The following CEP295 variants were observed in gnomAD, a reference collection of about 807,000 sequenced individuals.
CEP295 encodes centrosomal protein 295, also known as centrosomal protein of 295 kDa.
In CEP295, 190 loss-of-function variants were observed where a neutral mutation model predicts 291.6. That is an observed-to-expected ratio of 0.65 (90% CI 0.58 to 0.73). CEP295 has a LOEUF of 0.73. CEP295 is among the 30% of genes least tolerant of loss of function. The pLI, the probability that CEP295 is intolerant of heterozygous loss-of-function variation, is 0.00. For missense variants in CEP295, 2,863 were observed against 2,949.4 expected (o/e 0.97, Z 0.68); for synonymous variants, 993 against 1,038.8 (o/e 0.96, Z 0.85).
intron 9 of CEP295, 130 bp from the exon 10 acceptor site, chr11:93,687,514 C>T (rs1469081265): frequency 1.6e-5 from 9 of 580,078 alleles, no homozygotes; most frequent in African/African-American, 5.6e-5. Context: ...ACTGTTAAAT[C>T]GTAAATATGA....
chr11:93,676,929 C>T (rs1950723474), intron 6 of CEP295, among the ~76,000 whole-genome samples: 1 of 152,002 alleles, frequency 6.6e-6, no homozygotes, highest in African/African-American at 2.4e-5. Flanking sequence ...GGACCACAAA[C>T]AAATTTTGTT....
At chr11:93,688,377 C>G (rs762407372) in intron 10 of CEP295, among the ~76,000 whole-genome samples, 2 of 152,134 alleles carry the variant, frequency 1.3e-5, no homozygotes, top group Non-Finnish European at 2.9e-5. Flanking sequence ...TACAAAGTAT[C>G]TTTTCACACA....
At chr11:93,665,408 A>C (rs548508247) in intron 1 of CEP295, among the ~76,000 whole-genome samples, 24 of 152,202 alleles carry the variant, frequency 1.6e-4, no homozygotes, top group Non-Finnish European at 3.4e-4. Context: ...GAACGGTAGC[A>C]ACAGAAGAAT....
chr11:93,711,300 T>C (rs896904655), intron 18 of CEP295, among the ~76,000 whole-genome samples: 1 of 152,208 alleles, frequency 6.6e-6, no homozygotes, highest in African/African-American at 2.4e-5. Flanking sequence ...GGGTATGTTG[T>C]GTCTCCATTA....
intron 12 of CEP295, among the ~76,000 whole-genome samples, chr11:93,692,731 G>C (rs1565456787): frequency 6.6e-6 from 1 of 152,028 alleles, no homozygotes. Context: ...CCAGCACTTT[G>C]GGAGGCTGAG....
chr11:93,697,701 C>T lies in CEP295; in HGVS notation c.2789C>T (p.Ser930Leu). ...IAVSSDHHVI[S>L]QLQDKRLSLS... ...GTTTCCTCAGACCATCATGTGATCT[C>T]ACAACTTCAGGATAAGCGTTTGAGT... is the stretch of plus-strand genomic sequence containing the variant. The change falls in exon 15 of 30, where the codon TCA (serine) becomes TTA (leucine). Residue 930 changes from serine (S) to leucine (L), a missense_variant. Ser to Leu is a moderately radical substitution (Grantham distance 145, BLOSUM62 -2). Coordinates refer to ENST00000325212, the MANE Select transcript of CEP295 (RefSeq NM_033395.2). 5 of 1,551,712 alleles carry T rather than the reference C, an allele frequency of 3.2e-6. No individual in the cohort carries two copies.
intron 18 of CEP295, among the ~76,000 whole-genome samples, chr11:93,709,814 A>C (rs2135216477): frequency 6.6e-6 from 1 of 152,120 alleles, no homozygotes; most frequent in East Asian, 1.9e-4. Context: ...GTCCTCTTTA[A>C]TTTCTTCCAT....
chr11:93,679,394 T>C lies in CEP295; in HGVS notation c.625-18T>C. On this transcript the variant is annotated intron_variant, in intron 6 of 29. Coordinates refer to ENST00000325212, the MANE Select transcript of CEP295 (RefSeq NM_033395.2). The stretch of plus-strand genomic sequence containing the variant: ...CACACTTTAAAAATTTTGCCTACAA[T>C]TTTTGATTGACTGCTAGCCAGATGC... 2 of 1,533,420 alleles carry C rather than the reference T, an allele frequency of 1.3e-6. No homozygotes were observed. The highest frequency in any genetic ancestry group is 1.8e-6 in the Non-Finnish European group (2 of 1,140,208). The allele number at this position is 1,533,420 out of a possible 1,614,324, so 95.0% of individuals were successfully genotyped here.
intron 14 of CEP295, 117 bp downstream of exon 14, chr11:93,696,534 G>C (rs1951852745): frequency 9.8e-7 from 1 of 1,019,440 alleles, no homozygotes; most frequent in Non-Finnish European, 1.4e-6. Context: ...ATTTAGAACT[G>C]CCATTCTTAA....
At chr11:93,681,403 ATTTTTT>A (rs71064773) in intron 7 of CEP295, among the ~76,000 whole-genome samples, 9 of 36,532 alleles carry the variant, frequency 2.5e-4, no homozygotes, top group South Asian at 2.4e-3. Flanking sequence ...CACCCAGCTA[ATTTTTT>A]TTTTTTTTTT....
At position 93,697,847 on chromosome 11, in the gene CEP295, CAG is replaced by C. The variant is rs1951930701; in HGVS notation, c.2938_2939del (p.Ser980Ter). The C allele has an allele frequency of 1.3e-6, 2 of 1,551,706 alleles. No homozygotes were observed. The highest frequency in any genetic ancestry group is 8.7e-7 in the Non-Finnish European group (1 of 1,146,980). Reference protein sequence around the residue: ...EAQEVLYVHKQSELDRRVCSE... With the variant: ...EAQEVLYVHKXSELDRRVCSE... ...CCAGGAAGTATTGTATGTACATAAA[CAG>C]AGTGAATTGGATAGAAGAGTATGTT... On this transcript the variant is annotated frameshift_variant, in exon 15 of 30. Transcript: ENST00000325212. LOFTEE classifies it high-confidence loss of function.
chr11:93,717,359 A>C (rs1953343431), intron 18 of CEP295, among the ~76,000 whole-genome samples: 2 of 152,234 alleles, frequency 1.3e-5, no homozygotes, highest in Non-Finnish European at 2.9e-5. Context: ...ATAGTTGAAC[A>C]AAGCTGAGCG....
chr11:93,701,030 A>C (rs1487849687), intron 15 of CEP295, among the ~76,000 whole-genome samples: 2 of 152,136 alleles, frequency 1.3e-5, no homozygotes, highest in African/African-American at 4.8e-5. Flanking sequence ...TCTGGGAGAC[A>C]AGGGTATGTT....
intron 25 of CEP295, 21 bp downstream of exon 25, chr11:93,728,842 T>A: frequency 6.6e-7 from 1 of 1,522,016 alleles, no homozygotes; most frequent in Non-Finnish European, 8.8e-7. Context: ...GCTTTCCTTC[T>A]ATTTTATTCT....
Position 93,699,103 on chromosome 11 carries a change from A to T in CEP295, c.4191A>T (p.Leu1397Phe), listed in dbSNP as rs904204274. 6.5e-7 allele frequency: 1 copy of T among 1,548,500 alleles called. No homozygotes were observed. ...CCGAGCAGGTTGACACCTCTTCCTT[A>T]CCCCTAGTACCACAGCATTCATTCG... is the stretch of plus-strand genomic sequence containing the variant. ...ISPEQVDTSS[L>F]PLVPQHSFAS... Residue 1397 changes from leucine to phenylalanine, a missense_variant, in exon 15 of 30, where the codon TTA becomes TTT. Leu to Phe is a conservative substitution (Grantham distance 22). Coordinates refer to ENST00000325212, the MANE Select transcript of CEP295 (RefSeq NM_033395.2).
rs1212874525 is a variant in CEP295, at chr11:93,698,130, C to A, written c.3218C>A (p.Ala1073Asp). The change falls in exon 15 of 30, where the codon GCT becomes GAT. Residue 1073 changes from alanine (A) to aspartate (D), a missense_variant. Coordinates refer to ENST00000325212, the MANE Select transcript of CEP295 (RefSeq NM_033395.2). ...QLTKQRDTLQ[A>D]RHEAQVELLL... is the part of the protein sequence containing the mutation. ...ACTAAACAGAGGGATACTCTTCAGG[C>A]TAGGCATGAAGCTCAGGTGGAATTA... 6.4e-7 allele frequency: 1 copy of A among 1,552,052 alleles called. No homozygotes were observed. Among genetic ancestry groups the A allele is most frequent in the Non-Finnish European group, 8.7e-7 (1 of 1,147,098 alleles).
chr11:93,715,111 G>C (rs1953149557), intron 18 of CEP295, among the ~76,000 whole-genome samples: 1 of 152,186 alleles, frequency 6.6e-6, no homozygotes, highest in Non-Finnish European at 1.5e-5. Context: ...CAAATCCAGA[G>C]ATGTTGTCCA....
rs755968314 is a variant in CEP295 at position 93,730,144 on chromosome 11, A to G, written c.7763A>G (p.His2588Arg). 12 of 1,551,014 alleles carry G rather than the reference A, an allele frequency of 7.7e-6. No homozygotes were observed. Among genetic ancestry groups the G allele is most frequent in the African/African-American group, 2.7e-5 (2 of 72,960 alleles). Reference sequence around the variant, plus strand: ...AACAGAGCAAGGGCAAAAGAATTCCATAAGGTGAGTATAACTGAGGGAGAA... The same window carrying G: ...AACAGAGCAAGGGCAAAAGAATTCCGTAAGGTGAGTATAACTGAGGGAGAA... ...AQNRARAKEF[H>R]KKTLEKLRAK... Residue 2588 changes from histidine (H) to arginine (R), a missense_variant, in exon 29 of 30, where the codon CAT becomes CGT. Transcript: ENST00000325212.
At position 93,687,809 on chromosome 11, in the gene CEP295, T is replaced by C; in HGVS notation, c.1280T>C (p.Val427Ala). The change falls in exon 10 of 30, where the codon GTT becomes GCT. Residue 427 changes from valine (V) to alanine (A), a missense_variant. By Grantham distance (64) the Val-to-Ala change is moderately conservative. This residue lies in a region of CEP295 where 554 missense variants were observed against 576.0 expected (regional missense o/e 0.96). Coordinates refer to ENST00000325212, the MANE Select transcript of CEP295 (RefSeq NM_033395.2). The part of the protein sequence containing the change: ...VSEIESKAPT[V>A]ESGTIASKER... ...GAAATTGAGAGTAAAGCACCAACGG[T>C]TGAGTCAGGAACAATTGCCAGCAAA... 1 of 1,551,336 alleles carries C rather than the reference T, an allele frequency of 6.4e-7. No homozygotes were observed. The highest frequency in any genetic ancestry group is 8.7e-7 in the Non-Finnish European group (1 of 1,146,766).
Sources: gnomAD v4.1 joint callset for allele counts (sites outside exome capture counted in the v4.1 genomes callset) on GRCh38, gnomAD v4.1.1 for gene constraint, gnomAD v4.1.1 regional missense constraint, MANE v1.5 for transcripts, NCBI Gene and HGNC (gene_info 2026-07-23, HGNC 2026-07-21) for gene names.